Variants in ATP6V1B2 observed in about 807,000 individuals in gnomAD.
ATP6V1B2 encodes the protein V-type proton ATPase subunit B, brain isoform.
A neutral mutation model predicts 66.7 loss-of-function variants in ATP6V1B2; 23 were observed. That is an observed-to-expected ratio of 0.34 (90% CI 0.25 to 0.49). The LOEUF (loss-of-function observed/expected upper bound fraction) is 0.49. Ranked by LOEUF, ATP6V1B2 falls within the 20% of genes least tolerant of loss-of-function variation. The pLI, the probability that ATP6V1B2 is intolerant of heterozygous loss-of-function variation, is 0.99. For missense variants in ATP6V1B2, 478 were observed against 650.8 expected (o/e 0.73, Z 2.89); for synonymous variants, 278 against 236.7 (o/e 1.17, Z -1.60).
At chr8:20,212,234 A>C in intron 8 of ATP6V1B2, 35 bp downstream of exon 8, 2 of 1,591,550 alleles carry the variant, frequency 1.3e-6, no homozygotes, top group Non-Finnish European at 1.7e-6. Context: ...TGTGGCCCAG[A>C]CTCGGGATCA....
At chr8:20,198,879 A>G (rs2072655302) in intron 1 of ATP6V1B2, among the ~76,000 whole-genome samples, 1 of 152,252 alleles carries the variant, frequency 6.6e-6, no homozygotes, top group Non-Finnish European at 1.5e-5. Context: ...TGAAGTAGCT[A>G]CTTCAGGAAA....
chr8:20,209,404 A>C (rs1385407699), intron 2 of ATP6V1B2, 29 bp from the exon 3 acceptor site: 1 of 1,602,170 alleles, frequency 6.2e-7, no homozygotes, highest in South Asian at 1.1e-5. Context: ...AAAATGTCGG[A>C]TATTGATCCT....
chr8:20,197,610 T>G (rs1269893357), intron 1 of ATP6V1B2, 68 bp downstream of exon 1: 1 of 1,301,574 alleles, frequency 7.7e-7, no homozygotes, highest in Non-Finnish European at 9.9e-7. Context: ...CCCAGTCACC[T>G]GCTTAGCCAG....
chr8:20,203,629 A>T (rs1474986810), intron 1 of ATP6V1B2, among the ~76,000 whole-genome samples: 3 of 152,054 alleles, frequency 2.0e-5, no homozygotes, highest in Non-Finnish European at 4.4e-5. Flanking sequence ...CTGCTTATGA[A>T]ATTTAGTGAA....
intron 2 of ATP6V1B2, among the ~76,000 whole-genome samples, chr8:20,205,403 C>G (rs2072728890): frequency 6.6e-6 from 1 of 152,054 alleles, no homozygotes; most frequent in African/African-American, 2.4e-5. Flanking sequence ...AGTGGAGATG[C>G]AGATATAGTA....
intron 2 of ATP6V1B2, 46 bp from the exon 3 acceptor site, chr8:20,209,387 G>T (rs780951004): frequency 7.7e-6 from 12 of 1,559,868 alleles, no homozygotes; most frequent in Non-Finnish European, 1.1e-5. Flanking sequence ...TAATTTGGGG[G>T]GCTTGTAAAA....
At position 20,197,441 on chromosome 8, in the gene ATP6V1B2, G is replaced by A. The variant is rs1361764503; in HGVS notation, c.35G>A (p.Gly12Glu). ...ALRAMRGIVN[G>E]AAPELPVPTG... is the part of the protein sequence containing the mutation. The stretch of plus-strand genomic sequence containing the variant: ...CGGGCGATGCGGGGGATTGTCAACG[G>A]GGCCGCACCCGAGCTACCCGTGCCC... Residue 12 changes from glycine (G) to glutamate (E), a missense_variant, in exon 1 of 14, where the codon GGG (glycine) becomes GAG (glutamate). Physicochemically the swap from Gly to Glu is moderately conservative, Grantham distance 98. Transcript: ENST00000276390. 1.9e-6 allele frequency: 3 copies of A among 1,545,298 alleles called. No individual in the cohort carries two copies. The highest frequency in any genetic ancestry group is 1.4e-5 in the African/African-American group (1 of 70,388).
chr8:20,205,618 A>G lies in ATP6V1B2; in HGVS notation c.192+1079A>G, dbSNP rs1044492986. Among the ~76,000 whole-genome samples the G allele has an allele frequency of 9.2e-5, 14 of 152,334 alleles. No individual in the cohort carries two copies. In the South Asian group the frequency reaches 2.1e-3, roughly 23 times the overall value. On this transcript the variant is annotated intron_variant, in intron 2 of 13. Transcript: ENST00000276390. Reference sequence around the variant, plus strand: ...AGTTGTAGAAAAATCTATTTAGACTATGAGATTGATAGTGATTTGATTTTA... The same window carrying G: ...AGTTGTAGAAAAATCTATTTAGACTGTGAGATTGATAGTGATTTGATTTTA...
At chr8:20,212,997 T>C (rs2072811179) in intron 9 of ATP6V1B2, 92 bp downstream of exon 9, 6 of 1,522,568 alleles carry the variant, frequency 3.9e-6, no homozygotes, top group Non-Finnish European at 5.4e-6. Flanking sequence ...CTTTATGGTT[T>C]TTTAATTCCA....
At chr8:20,216,391 G>A in intron 10 of ATP6V1B2, 22 bp from the exon 11 acceptor site, 1 of 1,597,142 alleles carries the variant, frequency 6.3e-7, no homozygotes, top group Non-Finnish European at 8.6e-7. Context: ...CATGCTTAAT[G>A]CCAACTGTCT....
Position 20,211,332 on chromosome 8 carries a change from G to C in ATP6V1B2, c.603+16G>C. ...ACACAATGAGGTGAGGACTGGGATC[G>C]GTTTGCTATGAAGTTTAGCAGACAA... On this transcript the variant is annotated intron_variant, in intron 6 of 13. Transcript: ENST00000276390. 1 of 1,603,538 alleles carries C rather than the reference G, an allele frequency of 6.2e-7. No individual in the cohort carries two copies. Among genetic ancestry groups the C allele is most frequent in the Non-Finnish European group, 8.5e-7 (1 of 1,176,788 alleles).
chr8:20,210,332 C>G lies in ATP6V1B2; in HGVS notation c.292-14C>G. On this transcript the variant is annotated splice_polypyrimidine_tract_variant and intron_variant, in intron 3 of 13. Transcript: ENST00000276390. The stretch of plus-strand genomic sequence containing the variant: ...ATTACTTCTACCCTTCTCATTAATT[C>G]TTTTTCTTGATAGGTATTTGAAGGG... The G allele has an allele frequency of 6.2e-7, 1 of 1,600,690 alleles. No homozygotes were observed. The highest frequency in any genetic ancestry group is 8.5e-7 in the Non-Finnish European group (1 of 1,170,634).
At chr8:20,211,789 A>G (rs763251381) in intron 7 of ATP6V1B2, 36 bp downstream of exon 7, 2 of 1,524,430 alleles carry the variant, frequency 1.3e-6, no homozygotes, top group South Asian at 1.2e-5. Context: ...GATATGTAAA[A>G]TTTTGCTTGT....
intron 11 of ATP6V1B2, 167 bp from the exon 12 acceptor site, chr8:20,217,053 A>C (rs2072861820): frequency 6.6e-6 from 4 of 607,432 alleles, no homozygotes; most frequent in East Asian, 2.8e-5. Context: ...AGTGTTTCTT[A>C]CTACCTTTTC....
Position 20,197,410 on chromosome 8 carries a change from G to T in ATP6V1B2, c.4G>T (p.Ala2Ser), listed in dbSNP as rs1459131338. Reference sequence around the variant, plus strand: ...CAGTCGGGACAGAGGAGACAAGATGGCGCTGCGGGCGATGCGGGGGATTGT... The same window carrying T: ...CAGTCGGGACAGAGGAGACAAGATGTCGCTGCGGGCGATGCGGGGGATTGT... The part of the protein sequence containing the change: M[A>S]LRAMRGIVNG... The change falls in exon 1 of 14, where the codon GCG becomes TCG. Residue 2 changes from alanine to serine, a missense_variant. Ala to Ser is a moderately conservative substitution (Grantham distance 99, BLOSUM62 1). Around this residue, in one of 2 missense-constraint regions of ATP6V1B2, gnomAD observed 152 missense variants for 105.2 expected, o/e 1.44. Transcript: ENST00000276390. 1.3e-6 allele frequency: 2 copies of T among 1,540,976 alleles called. No individual in the cohort carries two copies. Among genetic ancestry groups the T allele is most frequent in the Non-Finnish European group, 1.7e-6 (2 of 1,145,112 alleles).
At chr8:20,213,397 C>T (rs2072814706) in intron 9 of ATP6V1B2, 1 of 166,334 alleles carries the variant, frequency 6.0e-6, no homozygotes, top group South Asian at 1.5e-4. Context: ...TCCTGTAATC[C>T]CAGCACTTTG....
At position 20,210,390 on chromosome 8, in the gene ATP6V1B2, T is replaced by C; in HGVS notation, c.336T>C (p.Cys112=). 1 of 1,613,666 alleles carries C rather than the reference T, an allele frequency of 6.2e-7. No homozygotes were observed. The highest frequency in any genetic ancestry group is 2.2e-5 in the East Asian group (1 of 44,856). Residue 112 remains cysteine (C), a synonymous_variant, in exon 4 of 14, where the codon TGT becomes TGC. Transcript: ENST00000276390. ...GTATAGATGCTAAGAAAACGTCCTG[T>C]GAGTTTACTGGGGATATTCTCCGAA... ...TSGIDAKKTS[C]EFTGDILRTP...
intron 1 of ATP6V1B2, among the ~76,000 whole-genome samples, chr8:20,202,851 G>A (rs1470805639): frequency 1.3e-5 from 2 of 152,134 alleles, no homozygotes; most frequent in Non-Finnish European, 2.9e-5. Flanking sequence ...CAGCTGTTTG[G>A]TAAAGGTTTT....
intron 12 of ATP6V1B2, 23 bp downstream of exon 12, chr8:20,217,347 G>T (rs1464714519): frequency 1.3e-6 from 2 of 1,579,460 alleles, no homozygotes; most frequent in Non-Finnish European, 1.7e-6. Flanking sequence ...TTCTAAGAAT[G>T]GTGTTTGAAA....
Sources: gnomAD v4.1 joint callset for allele counts (sites outside exome capture counted in the v4.1 genomes callset) on GRCh38, gnomAD v4.1.1 for gene constraint, gnomAD v4.1.1 regional missense constraint, MANE v1.5 for transcripts, NCBI Gene and HGNC (gene_info 2026-07-23, HGNC 2026-07-21) for gene names.